The following TRAM1 variants were observed in gnomAD, a reference collection of about 807,000 sequenced individuals.
The protein encoded by TRAM1 is translocation associated membrane protein 1.
A neutral mutation model predicts 48.7 loss-of-function variants in TRAM1; 17 were observed. That is an observed-to-expected ratio of 0.35 (90% CI 0.24 to 0.52). The LOEUF (loss-of-function observed/expected upper bound fraction) is 0.52. TRAM1 is among the 20% of genes least tolerant of loss of function. The pLI, the probability that TRAM1 is intolerant of heterozygous loss-of-function variation, is 0.94. For missense variants in TRAM1, 351 were observed against 441.5 expected (o/e 0.79, Z 1.84); for synonymous variants, 182 against 154.0 (o/e 1.18, Z -1.34).
At chr8:70,583,907 G>GGAGGCT in intron 8 of TRAM1, 114 bp from the exon 9 acceptor site, 1 of 1,228,418 alleles carries the variant, frequency 8.1e-7, no homozygotes, top group Non-Finnish European at 1.1e-6. Context: ...CAGCTACTTG[G>GGAGGCT]GAGGCTGAGG....
At chr8:70,593,974 TAAAA>T (rs1341487357) in intron 6 of TRAM1, among the ~76,000 whole-genome samples, 1 of 152,186 alleles carries the variant, frequency 6.6e-6, no homozygotes, top group African/African-American at 2.4e-5. Context: ...TTTGTTCAAA[TAAAA>T]CAAACAAATA....
intron 6 of TRAM1, among the ~76,000 whole-genome samples, chr8:70,589,732 G>A (rs1817309042): frequency 6.6e-6 from 1 of 152,070 alleles, no homozygotes; most frequent in Admixed American, 6.6e-5. Flanking sequence ...CAGCCACTTG[G>A]GAGGCTGAAG....
At chr8:70,588,064 A>G (rs1303808220) in intron 6 of TRAM1, among the ~76,000 whole-genome samples, 1 of 152,046 alleles carries the variant, frequency 6.6e-6, no homozygotes, top group Non-Finnish European at 1.5e-5. Flanking sequence ...AAAAACTACA[A>G]TTAGCTAGGC....
At chr8:70,586,487 C>G (rs1265262468) in intron 8 of TRAM1, among the ~76,000 whole-genome samples, 1 of 152,008 alleles carries the variant, frequency 6.6e-6, no homozygotes, top group Non-Finnish European at 1.5e-5. Flanking sequence ...GCACTCTTTA[C>G]AAGTTACACC....
chr8:70,595,469 T>C (rs577861064), intron 5 of TRAM1, among the ~76,000 whole-genome samples: 26 of 152,192 alleles, frequency 1.7e-4, no homozygotes, highest in African/African-American at 6.3e-4. Context: ...CTTCGTATCT[T>C]CTCCCTTCTC....
At chr8:70,577,574 C>T (rs966704853) in intron 10 of TRAM1, among the ~76,000 whole-genome samples, 6 of 152,224 alleles carry the variant, frequency 3.9e-5, no homozygotes, top group African/African-American at 1.2e-4. Flanking sequence ...CTGCCTTGCT[C>T]ACCCTCCAGT....
At chr8:70,587,860 C>A (rs186042561) in intron 6 of TRAM1, among the ~76,000 whole-genome samples, 35 of 152,164 alleles carry the variant, frequency 2.3e-4, no homozygotes, top group African/African-American at 8.4e-4. Flanking sequence ...CTTTTTTTCT[C>A]CCACAGTTAT....
chr8:70,578,115 C>A (rs1817000152), intron 10 of TRAM1, among the ~76,000 whole-genome samples: 1 of 152,178 alleles, frequency 6.6e-6, no homozygotes, highest in East Asian at 1.9e-4. Context: ...GTGGAATGAG[C>A]CCAGCGGATG....
Position 70,587,172 on chromosome 8 carries a change from T to G in TRAM1, c.575A>C (p.Asp192Ala). Residue 192 changes from aspartate to alanine, a missense_variant, in exon 7 of 11, where the codon GAT (aspartate) becomes GCT (alanine). Transcript: ENST00000262213. ...ELYFQKTKKE[D>A]IPRQLVYIGL... ...AATGTAGACAAGCTGACGAGGAATA[T>G]CTTCCTGTAAAAAAATACATTATAG... 1 of 1,613,302 alleles carries G rather than the reference T, an allele frequency of 6.2e-7. No homozygotes were observed. The highest frequency in any genetic ancestry group is 8.5e-7 in the Non-Finnish European group (1 of 1,179,500).
Position 70,588,316 on chromosome 8 carries a change from T to C in TRAM1, c.571-1140A>G, listed in dbSNP as rs1015813418. Among the ~76,000 whole-genome samples, 119 of 152,162 alleles carry C rather than the reference T, an allele frequency of 7.8e-4. 2 individuals carry two copies. Among genetic ancestry groups the C allele is most frequent in the Admixed American group, 7.9e-4 (12 of 15,258 alleles). ...AAATAGAAAATGTGGCCAGGCACCA[T>C]GACTCACACTTGTCATCCCAGCACT... On this transcript the variant is annotated intron_variant, in intron 6 of 10. Coordinates refer to ENST00000262213, the MANE Select transcript of TRAM1 (RefSeq NM_014294.6).
At chr8:70,576,964 G>A (rs1309624076) in intron 10 of TRAM1, among the ~76,000 whole-genome samples, 3 of 152,218 alleles carry the variant, frequency 2.0e-5, no homozygotes, top group Non-Finnish European at 4.4e-5. Flanking sequence ...CCTGGGATTA[G>A]AGCAGCACTG....
intron 2 of TRAM1, among the ~76,000 whole-genome samples, chr8:70,599,631 G>A (rs1191955372): frequency 6.6e-6 from 1 of 152,146 alleles, no homozygotes; most frequent in Non-Finnish European, 1.5e-5. Flanking sequence ...GCTATTACAG[G>A]TCCAAAATGT....
chr8:70,594,738 A>G, intron 5 of TRAM1, 148 bp from the exon 6 acceptor site: 1 of 545,788 alleles, frequency 1.8e-6, no homozygotes, highest in South Asian at 3.9e-5. Flanking sequence ...ACAACTCTTC[A>G]ACAACCTCTT....
chr8:70,587,245 G>A (rs1563383920), intron 6 of TRAM1, 69 bp from the exon 7 acceptor site: 2 of 1,473,702 alleles, frequency 1.4e-6, no homozygotes, highest in African/African-American at 1.4e-5. Flanking sequence ...AAGAGGTGTG[G>A]TCTTGCTATG....
chr8:70,600,056 A>G lies in TRAM1; in HGVS notation c.150T>C (p.Phe50=), dbSNP rs553771813. 6.2e-6 allele frequency: 10 copies of G among 1,613,722 alleles called. No homozygotes were observed. The highest frequency in any genetic ancestry group is 8.5e-6 in the Non-Finnish European group (10 of 1,179,784). ...GGGTGACATTGTACTGAAGAGTAAC[A>G]AAAATGATAGAAGCTTTTGCCGTTA... The part of the protein sequence containing the change: ...FEITAKASII[F]VTLQYNVTLP... Residue 50 remains phenylalanine (F), a synonymous_variant, in exon 2 of 11, where the codon TTT becomes TTC. Transcript: ENST00000262213.
At chr8:70,604,162 T>G (rs1817669955) in intron 1 of TRAM1, among the ~76,000 whole-genome samples, 1 of 152,238 alleles carries the variant, frequency 6.6e-6, no homozygotes, top group Non-Finnish European at 1.5e-5. Context: ...AAGAGACTTA[T>G]TCAGATGCAT....
At chr8:70,586,335 A>C (rs1307667938) in intron 8 of TRAM1, among the ~76,000 whole-genome samples, 1 of 150,658 alleles carries the variant, frequency 6.6e-6, no homozygotes, top group Non-Finnish European at 1.5e-5. Context: ...TGACGAGTTA[A>C]TGGGTGCAGC....
chr8:70,596,086 C>T (rs1817480335), intron 5 of TRAM1, among the ~76,000 whole-genome samples, 177 bp downstream of exon 5: 1 of 151,506 alleles, frequency 6.6e-6, no homozygotes, highest in African/African-American at 2.4e-5. Context: ...AGAATAGAAA[C>T]ATTAAAAAAA....
intron 8 of TRAM1, among the ~76,000 whole-genome samples, chr8:70,586,388 A>G (rs1210962710): frequency 6.6e-6 from 1 of 151,900 alleles, no homozygotes; most frequent in African/African-American, 2.4e-5. Flanking sequence ...AAACCTGCAC[A>G]TTGTGCACAT....
Sources: allele counts gnomAD v4.1 joint callset (sites outside exome capture counted in the v4.1 genomes callset), GRCh38; gene constraint gnomAD v4.1.1; transcripts MANE v1.5; gene names NCBI Gene and HGNC (gene_info 2026-07-23, HGNC 2026-07-21).